The following ZBTB20 variants were observed in gnomAD, a reference collection of about 807,000 sequenced individuals.
ZBTB20 encodes the protein zinc finger and BTB domain containing 20, also known as zinc finger and BTB domain-containing protein 20.
Under a neutral mutation model 56.9 loss-of-function variants are expected in ZBTB20, and 9 were observed. That is an observed-to-expected ratio of 0.16 (90% CI 0.10 to 0.28). The LOEUF (loss-of-function observed/expected upper bound fraction) is 0.28, where lower values mean the gene tolerates loss of function less well. ZBTB20 is among the 10% of genes least tolerant of loss of function. ZBTB20 has a pLI of 1.00. For synonymous variants in ZBTB20, 417 were observed against 420.7 expected (o/e 0.99, Z 0.11); for missense variants, 655 against 1,003.0 (o/e 0.65, Z 4.69).
intron 4 of ZBTB20, among the ~76,000 whole-genome samples, chr3:114,899,287 G>A (rs1261888561): frequency 6.6e-6 from 1 of 152,002 alleles, no homozygotes; most frequent in Non-Finnish European, 1.5e-5. Context: ...TAAATTTTCT[G>A]AATATGCCCC....
intron 5 of ZBTB20, among the ~76,000 whole-genome samples, chr3:114,703,503 C>CT (rs111975803): frequency 0.64 from 96,568 of 150,702 alleles, 33,844 homozygotes; most frequent in East Asian, 0.81. Flanking sequence ...GGAGGGACTA[C>CT]TTTTTTTTTA....
At chr3:114,690,461 C>T (rs2062633607) in intron 6 of ZBTB20, among the ~76,000 whole-genome samples, 1 of 152,098 alleles carries the variant, frequency 6.6e-6, no homozygotes, top group South Asian at 2.1e-4. Context: ...AGTGAGACAG[C>T]ACAAGACTAC....
At chr3:114,741,762 A>AT (rs2066606420) in intron 5 of ZBTB20, among the ~76,000 whole-genome samples, 2 of 151,802 alleles carry the variant, frequency 1.3e-5, no homozygotes, top group African/African-American at 2.4e-5. Context: ...GGCACCTGTA[A>AT]TCCCAGCTAC....
At chr3:114,434,397 G>A (rs57678961) in intron 7 of ZBTB20, among the ~76,000 whole-genome samples, 9,187 of 152,044 alleles carry the variant, frequency 0.06, 948 homozygotes, top group African/African-American at 0.21. Context: ...ATATAAGATC[G>A]TATTTCCCAT....
Position 114,531,798 on chromosome 3 carries a change from T to C in ZBTB20, c.-294-31407A>G, listed in dbSNP as rs371437679. Among the ~76,000 whole-genome samples, 6 of 152,274 alleles carry C rather than the reference T, an allele frequency of 3.9e-5. No individual in the cohort carries two copies. The East Asian group carries it at 1.2e-3, about 29-fold the overall frequency. ...TTCCAACAGAGGTACCTGGCTCATC[T>C]CATTGGGACTGGTTAGACAGTGGGT... On this transcript the variant is annotated intron_variant, in intron 6 of 11. Coordinates refer to ENST00000675478, the MANE Select transcript of ZBTB20 (RefSeq NM_001348800.3).
chr3:114,992,401 C>T (rs1462117054), intron 2 of ZBTB20, among the ~76,000 whole-genome samples: 1 of 151,918 alleles, frequency 6.6e-6, no homozygotes, highest in Non-Finnish European at 1.5e-5. Context: ...ATTCAGCTGA[C>T]AGAGTTGTAT....
chr3:114,544,670 A>T (rs1200504534), intron 6 of ZBTB20, among the ~76,000 whole-genome samples: 1 of 151,768 alleles, frequency 6.6e-6, no homozygotes, highest in Admixed American at 6.6e-5. Context: ...CTCCTGCCTA[A>T]TTTTTGTATT....
chr3:114,741,530 T>C (rs2066575615), intron 5 of ZBTB20, among the ~76,000 whole-genome samples: 1 of 152,074 alleles, frequency 6.6e-6, no homozygotes, highest in South Asian at 2.1e-4. Context: ...ATGAAATCAT[T>C]ATTGCTTTAA....
intron 6 of ZBTB20, among the ~76,000 whole-genome samples, chr3:114,540,133 A>C (rs1226412011): frequency 1.3e-5 from 2 of 151,972 alleles, no homozygotes; most frequent in Non-Finnish European, 2.9e-5. Context: ...CTCATCATTT[A>C]GCTCCCACTT....
chr3:114,644,326 C>A (rs1307071282), intron 6 of ZBTB20, among the ~76,000 whole-genome samples: 6 of 152,062 alleles, frequency 3.9e-5, no homozygotes, highest in Non-Finnish European at 7.4e-5. Flanking sequence ...TTCTTTCTTT[C>A]TGGTCCAACT....
chr3:114,487,685 A>C (rs553156691), intron 7 of ZBTB20, among the ~76,000 whole-genome samples: 1 of 152,164 alleles, frequency 6.6e-6, no homozygotes, highest in Non-Finnish European at 1.5e-5. Flanking sequence ...CACAGGGAAG[A>C]CGCCCTGTCA....
intron 7 of ZBTB20, among the ~76,000 whole-genome samples, chr3:114,396,766 T>G (rs2086368680): frequency 6.6e-6 from 1 of 152,182 alleles, no homozygotes; most frequent in Non-Finnish European, 1.5e-5. Context: ...GAATATTTCT[T>G]GAAATTTCTC....
chr3:114,875,421 G>A (rs957624512), intron 4 of ZBTB20, among the ~76,000 whole-genome samples: 1 of 151,918 alleles, frequency 6.6e-6, no homozygotes, highest in Non-Finnish European at 1.5e-5. Flanking sequence ...GACTCGTTAT[G>A]GTTTTCATAT....
At chr3:114,714,741 G>A (rs2064342094) in intron 5 of ZBTB20, among the ~76,000 whole-genome samples, 1 of 152,120 alleles carries the variant, frequency 6.6e-6, no homozygotes, top group Non-Finnish European at 1.5e-5. Flanking sequence ...ATAATTAATG[G>A]CAGGCATTAT....
At chr3:114,516,212 C>T (rs185542635) in intron 6 of ZBTB20, among the ~76,000 whole-genome samples, 4 of 152,142 alleles carry the variant, frequency 2.6e-5, no homozygotes, top group Non-Finnish European at 4.4e-5. Flanking sequence ...TGAAGCCCAA[C>T]CCCCAAGCCG....
chr3:114,739,302 A>G (rs1157676061), intron 5 of ZBTB20, among the ~76,000 whole-genome samples: 1 of 152,232 alleles, frequency 6.6e-6, no homozygotes, highest in Non-Finnish European at 1.5e-5. Context: ...ATCATACCAG[A>G]GCTTCCAATT....
chr3:114,952,650 A>G (rs2077110115), intron 3 of ZBTB20, among the ~76,000 whole-genome samples: 1 of 152,022 alleles, frequency 6.6e-6, no homozygotes, highest in African/African-American at 2.4e-5. Flanking sequence ...GAAATTGAAG[A>G]CAGGGAAAAC....
intron 3 of ZBTB20, among the ~76,000 whole-genome samples, chr3:114,907,294 T>C (rs2075357246): frequency 6.6e-6 from 1 of 151,860 alleles, no homozygotes; most frequent in African/African-American, 2.4e-5. Flanking sequence ...GTACCAAAAA[T>C]ACTTCATCGG....
intron 4 of ZBTB20, among the ~76,000 whole-genome samples, chr3:114,815,178 C>A (rs1049196939): frequency 5.3e-5 from 8 of 152,108 alleles, no homozygotes; most frequent in African/African-American, 1.9e-4. Flanking sequence ...AAATACTTTT[C>A]TTTTAAATTT....
Sources: gnomAD v4.1 joint callset for allele counts (sites outside exome capture counted in the v4.1 genomes callset) on GRCh38, gnomAD v4.1.1 for gene constraint, MANE v1.5 for transcripts, NCBI Gene and HGNC (gene_info 2026-07-23, HGNC 2026-07-21) for gene names.